Variants in SHROOM1 observed in about 807,000 individuals in gnomAD.
SHROOM1 encodes the protein shroom family member 1.
In SHROOM1, 53 loss-of-function variants were observed where a neutral mutation model predicts 64.2. The ratio of observed to expected loss-of-function variants is 0.83; its 90% CI spans 0.66 to 1.04. The LOEUF is 1.04. Among genes scored for constraint, SHROOM1 ranks in the 50% least tolerant of loss-of-function variants. The pLI, the probability that SHROOM1 is intolerant of heterozygous loss-of-function variation, is 0.00. For synonymous variants in SHROOM1, 490 were observed against 518.9 expected (o/e 0.94, Z 0.76); for missense variants, 1,179 against 1,163.2 (o/e 1.01, Z -0.20).
At position 132,825,328 on chromosome 5, in the gene SHROOM1, G is replaced by A. The variant is rs1446909284; in HGVS notation, c.813C>T (p.His271=). 1.2e-5 allele frequency: 19 copies of A among 1,607,118 alleles called. No individual in the cohort carries two copies. Among genetic ancestry groups the A allele is most frequent in the Non-Finnish European group, 1.6e-5 (19 of 1,179,526 alleles). Reference sequence around the variant, plus strand: ...GCGTCTCGGGCAGCCATCCGACCTCGTGATCTTCAAACTTAGCCAGCGCCG... The same window carrying A: ...GCGTCTCGGGCAGCCATCCGACCTCATGATCTTCAAACTTAGCCAGCGCCG... ...QHPALAKFED[H]EVGWLPETQP... is the part of the protein sequence containing the mutation. Residue 271 remains histidine (H), a synonymous_variant, in exon 4 of 10, where the codon CAC becomes CAT. Transcript: ENST00000378679. The surrounding 1 kb of genome is among the most constrained non-coding windows in gnomAD (Gnocchi z 5.1).
Position 132,826,166 on chromosome 5 carries a change from G to C in SHROOM1, c.-26C>G. The C allele has an allele frequency of 1.5e-6, 2 of 1,320,290 alleles. No individual in the cohort carries two copies. The highest frequency in any genetic ancestry group is 1.9e-6 in the Non-Finnish European group (2 of 1,036,336). The allele number at this position is 1,320,290 out of a possible 1,614,324, so 81.8% of individuals were successfully genotyped here. A position where few individuals can be genotyped will look rare whatever the true frequency, so the allele number is the denominator to read the frequency against. ...GGCTGCGCAGATGAGTGCTGAGGCT[G>C]GGTGGCTGCGTGGGTCCTGGGAAAA... On this transcript the variant is annotated 5_prime_UTR_variant, in exon 4 of 10. Coordinates refer to ENST00000378679, the MANE Select transcript of SHROOM1 (RefSeq NM_001172700.2).
chr5:132,823,913 C>A lies in SHROOM1; in HGVS notation c.1748G>T (p.Arg583Leu), dbSNP rs200366268. The change falls in exon 7 of 10, where the codon CGG becomes CTG. Residue 583 changes from arginine to leucine, a missense_variant. Arg to Leu is a moderately radical substitution (Grantham distance 102). Coordinates refer to ENST00000378679, the MANE Select transcript of SHROOM1 (RefSeq NM_001172700.2). The surrounding 1 kb of genome is among the most constrained non-coding windows in gnomAD (Gnocchi z 4.6). Reference protein sequence around the residue: ...LDGLIPLAEVRAAMRPACGEA... With the variant: ...LDGLIPLAEVLAAMRPACGEA... ...CCCACAGGCAGGCCGCATTGCAGCC[C>A]GGACCTCTGCTAAAGGAATCAGTCC... The A allele has an allele frequency of 2.0e-5, 31 of 1,555,512 alleles. No homozygotes were observed. The highest frequency in any genetic ancestry group is 2.7e-5 in the Non-Finnish European group (31 of 1,153,206).
At position 132,824,686 on chromosome 5, in the gene SHROOM1, G is replaced by C. The variant is rs1561449571; in HGVS notation, c.1170C>G (p.Phe390Leu). 6.2e-7 allele frequency: 1 copy of C among 1,614,088 alleles called. No homozygotes were observed. Among genetic ancestry groups the C allele is most frequent in the Non-Finnish European group, 8.5e-7 (1 of 1,180,026 alleles). ...AWLPSLPDEV[F>L]LEEAPLVRMR... ...TTCTGACCAGTGGGGCCTCTTCTAG[G>C]AACACTTCATCAGGAAGGGAGGGGA... Residue 390 changes from phenylalanine (F) to leucine (L), a missense_variant, in exon 6 of 10, where the codon TTC (phenylalanine) becomes TTG (leucine). By Grantham distance (22) the Phe-to-Leu change is conservative. Coordinates refer to ENST00000378679, the MANE Select transcript of SHROOM1 (RefSeq NM_001172700.2).
intron 3 of SHROOM1, 39 bp downstream of exon 3, chr5:132,826,238 G>T: frequency 8.0e-7 from 1 of 1,257,716 alleles, no homozygotes; most frequent in Non-Finnish European, 1.0e-6. Flanking sequence ...GGCTGGGACA[G>T]CCTGCTGGCC....
chr5:132,823,036 C>T lies in SHROOM1; in HGVS notation c.2319G>A (p.Val773=). 1.9e-6 allele frequency: 3 copies of T among 1,599,926 alleles called. No individual in the cohort carries two copies. The highest frequency in any genetic ancestry group is 2.2e-5 in the South Asian group (2 of 90,910). The change falls in exon 10 of 10, where the codon GTG becomes GTA. Residue 773 remains valine (V), a synonymous_variant. Coordinates refer to ENST00000378679, the MANE Select transcript of SHROOM1 (RefSeq NM_001172700.2). The surrounding 1 kb of genome is among the most constrained non-coding windows in gnomAD (Gnocchi z 4.6). ...KEHVARRERA[V]REVLVRALPV... ...GTAGTGCTCGCACCAGCACCTCCCG[C>T]ACGGCCCGCTCGCGCCGCGCTACGT... is the stretch of plus-strand genomic sequence containing the variant.
chr5:132,828,459 A>G (rs1322522590), intron 1 of SHROOM1, among the ~76,000 whole-genome samples: 1 of 152,058 alleles, frequency 6.6e-6, no homozygotes, highest in East Asian at 1.9e-4. Context: ...TCTGAGTAGC[A>G]GCTCCTGGGA....
chr5:132,826,659 A>T (rs1198070216), intron 2 of SHROOM1, 72 bp from the exon 3 acceptor site: 1 of 153,350 alleles, frequency 6.5e-6, no homozygotes, highest in Non-Finnish European at 1.5e-5. Context: ...GGGAAGACCC[A>T]GGGCAAGGGG....
Position 132,822,746 on chromosome 5 carries a change from T to G in SHROOM1, c.*50A>C. ...AGAGACTAAATCAGCATCACCCCAC[T>G]TACGTGGGTGAGAGATAGGGGCGGT... On this transcript the variant is annotated 3_prime_UTR_variant, in exon 10 of 10. Coordinates refer to ENST00000378679, the MANE Select transcript of SHROOM1 (RefSeq NM_001172700.2). The G allele has an allele frequency of 6.7e-7, 1 of 1,495,754 alleles. No homozygotes were observed. Among genetic ancestry groups the G allele is most frequent in the Non-Finnish European group, 9.0e-7 (1 of 1,113,492 alleles). The allele number at this position is 1,495,754 out of a possible 1,614,324, so 92.7% of individuals were successfully genotyped here.
chr5:132,823,141 G>A lies in SHROOM1; in HGVS notation c.2227-13C>T, dbSNP rs780852928. 1.3e-6 allele frequency: 2 copies of A among 1,547,524 alleles called. No homozygotes were observed. Among genetic ancestry groups the A allele is most frequent in the South Asian group, 2.4e-5 (2 of 83,330 alleles). Reference sequence around the variant, plus strand: ...GCAGCAGGGAGGCCTTGAGCCGCAGGAAGAGGCGCCGTGAGCCGGGTGAGG... The same window carrying A: ...GCAGCAGGGAGGCCTTGAGCCGCAGAAAGAGGCGCCGTGAGCCGGGTGAGG... On this transcript the variant is annotated splice_polypyrimidine_tract_variant and intron_variant, in intron 9 of 9. Coordinates refer to ENST00000378679, the MANE Select transcript of SHROOM1 (RefSeq NM_001172700.2). The surrounding 1 kb of genome is among the most constrained non-coding windows in gnomAD (Gnocchi z 4.6).
rs1758564001 is a variant in SHROOM1 at position 132,824,080 on chromosome 5, G to GC, written c.1580dup (p.Thr528HisfsTer12). 3.7e-6 allele frequency: 6 copies of GC among 1,613,568 alleles called. No homozygotes were observed. The South Asian group carries it at 4.4e-5, about 12-fold the overall frequency. On this transcript the variant is annotated frameshift_variant, in exon 7 of 10. Coordinates refer to ENST00000378679, the MANE Select transcript of SHROOM1 (RefSeq NM_001172700.2). LOFTEE classifies it high-confidence loss of function. Reference sequence around the variant, plus strand: ...TGGGCCTGGAACCAGGCTGGCCAGTGCCCCTGGCTAGGGCAGTATTGTGAG... The same window carrying GC: ...TGGGCCTGGAACCAGGCTGGCCAGTGCCCCCTGGCTAGGGCAGTATTGTGAG...
At position 132,822,914 on chromosome 5, in the gene SHROOM1, T is replaced by C. The variant is rs1480211937; in HGVS notation, c.2441A>G (p.Gln814Arg). ...RNLDERIRLLQDQLDAIRDDL... is the reference protein window; with the variant it reads ...RNLDERIRLLRDQLDAIRDDL... ...GTCCCTGATGGCGTCCAGTTGGTCC[T>C]GAAGGAGGCGGATGCGCTCGTCCAG... The change falls in exon 10 of 10, where the codon CAG (glutamine) becomes CGG (arginine). Residue 814 changes from glutamine to arginine, a missense_variant. Transcript: ENST00000378679. 1 of 1,613,328 alleles carries C rather than the reference T, an allele frequency of 6.2e-7. No homozygotes were observed. Among genetic ancestry groups the C allele is most frequent in the East Asian group, 2.2e-5 (1 of 44,890 alleles).
intron 1 of SHROOM1, among the ~76,000 whole-genome samples, chr5:132,828,318 A>G (rs1314223287): frequency 1.3e-5 from 2 of 152,180 alleles, no homozygotes; most frequent in Non-Finnish European, 2.9e-5. Flanking sequence ...GGACCAGAAC[A>G]TCTTGATGTC....
chr5:132,824,360 G>A lies in SHROOM1; in HGVS notation c.1301C>T (p.Thr434Ile), dbSNP rs764722107. The A allele has an allele frequency of 6.3e-6, 10 of 1,598,418 alleles. No homozygotes were observed. The African/African-American group carries it at 1.3e-4, about 21-fold the overall frequency. Residue 434 changes from threonine (T) to isoleucine (I), a missense_variant, in exon 7 of 10, where the codon ACA becomes ATA. Coordinates refer to ENST00000378679, the MANE Select transcript of SHROOM1 (RefSeq NM_001172700.2). Reference sequence around the variant, plus strand: ...ATGGAGCGGGTACTCTGTGGGGACTGTAACCTGGCCAGTTCTTTGGCCTAA... The same window carrying A: ...ATGGAGCGGGTACTCTGTGGGGACTATAACCTGGCCAGTTCTTTGGCCTAA... ...TGLGQRTGQV[T>I]VPTEYPLHEC... is the part of the protein sequence containing the mutation.
In SHROOM1 at chr5:132,830,050, G is replaced by A. The variant is rs1758801780; in HGVS notation, c.-501+544C>T. On this transcript the variant is annotated intron_variant, in intron 1 of 9. Transcript: ENST00000378679. This position sits in a 1 kb window ranked among gnomAD's most constrained non-coding sequence, Gnocchi z 5.9. Reference sequence around the variant, plus strand: ...GTTACCTGGGGTTCAATCTCTGGGAGCCGAGGCACGGGAGGGAGAGAGGCG... The same window carrying A: ...GTTACCTGGGGTTCAATCTCTGGGAACCGAGGCACGGGAGGGAGAGAGGCG... The A allele has an allele frequency of 3.0e-6, 3 of 985,340 alleles. No individual in the cohort carries two copies. The highest frequency in any genetic ancestry group is 5.2e-4 in the Middle Eastern group (1 of 1,914). 61.0% of individuals were successfully genotyped at this position (985,340 alleles called of 1,614,324 possible). A position where few individuals can be genotyped will look rare whatever the true frequency, so the allele number is the denominator to read the frequency against.
rs545421438 is a variant in SHROOM1, at chr5:132,829,890, G to A, written c.-501+704C>T. The A allele has an allele frequency of 1.8e-5, 18 of 985,478 alleles. No homozygotes were observed. In the South Asian group the frequency reaches 1.9e-4, roughly 10 times the overall value. The allele number at this position is 985,478 out of a possible 1,614,324, so 61.0% of individuals were successfully genotyped here. On this transcript the variant is annotated intron_variant, in intron 1 of 9. Coordinates refer to ENST00000378679, the MANE Select transcript of SHROOM1 (RefSeq NM_001172700.2). ...CGCAGCATCCACGCTCCGAGTGTGC[G>A]ACTGGTTTACGGGCTCATCGGTCGC... is the stretch of plus-strand genomic sequence containing the variant.
At position 132,825,809 on chromosome 5, in the gene SHROOM1, GCCTGCCTGTTCAGTGGTCCCGGGGTC is replaced by G; in HGVS notation, c.306_331del (p.Thr103HisfsTer134). 8.0e-7 allele frequency: 1 copy of G among 1,251,494 alleles called. No homozygotes were observed. Among genetic ancestry groups the G allele is most frequent in the Non-Finnish European group, 1.0e-6 (1 of 999,874 alleles). The allele number at this position is 1,251,494 out of a possible 1,614,324, so 77.5% of individuals were successfully genotyped here. A position where few individuals can be genotyped will look rare whatever the true frequency, so the allele number is the denominator to read the frequency against. On this transcript the variant is annotated frameshift_variant, in exon 4 of 10. Coordinates refer to ENST00000378679, the MANE Select transcript of SHROOM1 (RefSeq NM_001172700.2). LOFTEE classifies it high-confidence loss of function. This position sits in a 1 kb window ranked among gnomAD's most constrained non-coding sequence, Gnocchi z 5.1. ...CGCCAGCGCGTACAGCAGCGGGGTG[GCCTGCCTGTTCAGTGGTCCCGGGGTC>G]CCCGGGACCTCTGTTGGCTGCGGCC... is the stretch of plus-strand genomic sequence containing the variant.
chr5:132,826,370 C>G lies in SHROOM1; in HGVS notation c.-136G>C. 2.0e-6 allele frequency: 2 copies of G among 989,994 alleles called. No individual in the cohort carries two copies. Among genetic ancestry groups the G allele is most frequent in the Non-Finnish European group, 2.6e-6 (2 of 766,470 alleles). The allele number at this position is 989,994 out of a possible 1,614,324, so 61.3% of individuals were successfully genotyped here. A position where few individuals can be genotyped will look rare whatever the true frequency, so the allele number is the denominator to read the frequency against. The stretch of plus-strand genomic sequence containing the variant: ...ATCAGAGGTGGCAGAGGAAGTAGGA[C>G]CAGTCCCAGGGAGCACCTCTGAAGG... On this transcript the variant is annotated 5_prime_UTR_variant, in exon 3 of 10. Coordinates refer to ENST00000378679, the MANE Select transcript of SHROOM1 (RefSeq NM_001172700.2).
In SHROOM1 at chr5:132,823,841, C is replaced by T. The variant is rs1292433697; in HGVS notation, c.1811+9G>A. The T allele has an allele frequency of 1.0e-5, 16 of 1,527,114 alleles. No homozygotes were observed. In the Admixed American group the frequency reaches 1.5e-4, roughly 14 times the overall value. 94.6% of individuals were successfully genotyped at this position (1,527,114 alleles called of 1,614,324 possible). ...TCAGTGTCCAGATTCCCTAGTACAC[C>T]TCACTCACCCTGGCTCAAAAGTACT... On this transcript the variant is annotated intron_variant, in intron 7 of 9. Coordinates refer to ENST00000378679, the MANE Select transcript of SHROOM1 (RefSeq NM_001172700.2). The surrounding 1 kb of genome is among the most constrained non-coding windows in gnomAD (Gnocchi z 4.6).
chr5:132,826,873 G>C (rs915726480), intron 2 of SHROOM1, among the ~76,000 whole-genome samples: 1 of 152,190 alleles, frequency 6.6e-6, no homozygotes, highest in Middle Eastern at 3.2e-3. Flanking sequence ...CTGCCTCCAC[G>C]CTCACTGCAG....
Sources: allele counts gnomAD v4.1 joint callset (sites outside exome capture counted in the v4.1 genomes callset), GRCh38; gene constraint gnomAD v4.1.1; non-coding constraint Gnocchi (gnomAD v3.1); transcripts MANE v1.5; gene names NCBI Gene and HGNC (gene_info 2026-07-23, HGNC 2026-07-21).